SQOR: variants seen among roughly 807,000 people sequenced by gnomAD.
SQOR encodes sulfide quinone oxidoreductase.
In SQOR, 39 loss-of-function variants were observed where a neutral mutation model predicts 48.6. The observed-to-expected ratio is 0.80, with a 90% CI of 0.62 to 1.05. The LOEUF is 1.05. SQOR is among the 50% of genes least tolerant of loss of function. SQOR has a pLI of 0.00. For synonymous variants in SQOR, 220 were observed against 206.2 expected, an observed-to-expected ratio of 1.07 and a Z score of -0.57; for missense variants, 561 against 559.9, an observed-to-expected ratio of 1.00 and a Z score of -0.02.
intron 5 of SQOR, among the ~76,000 whole-genome samples, chr15:45,674,440 TAA>T (rs766883123): frequency 2.9e-5 from 4 of 138,764 alleles, no homozygotes; most frequent in East Asian, 2.1e-4. Flanking sequence ...AGCTCCGTCT[TAA>T]AAAAAAAAAA....
At chr15:45,656,792 T>G (rs1889619053) in intron 1 of SQOR, among the ~76,000 whole-genome samples, 1 of 152,120 alleles carries the variant, frequency 6.6e-6, no homozygotes, top group South Asian at 2.1e-4. Flanking sequence ...GATGTAAACA[T>G]TTTTTATTTA....
In SQOR at chr15:45,682,648, C is replaced by G. The variant is rs370801060; in HGVS notation, c.1035C>G (p.Thr345=). Residue 345 remains threonine (T), a synonymous_variant, in exon 7 of 10, where the codon ACC becomes ACG. Transcript: ENST00000260324. ...GCACCAACCTTCCTACGTCAAAGACCGCTGCTGCAGTAGGTAAGTCAACCA... is the reference window on the plus strand; with the variant it reads ...GCACCAACCTTCCTACGTCAAAGACGGCTGCTGCAGTAGGTAAGTCAACCA... ...GDCTNLPTSK[T]AAAVAAQSGI... 5.6e-6 allele frequency: 9 copies of G among 1,613,904 alleles called. No individual in the cohort carries two copies. The highest frequency in any genetic ancestry group is 7.6e-6 in the Non-Finnish European group (9 of 1,179,884).
intron 8 of SQOR, 108 bp from the exon 9 acceptor site, chr15:45,688,931 G>T: frequency 2.1e-6 from 2 of 938,050 alleles, no homozygotes. Flanking sequence ...AGAATATACA[G>T]AAAAGAAAAA....
chr15:45,666,988 CCTCT>C (rs1231282909), intron 3 of SQOR, among the ~76,000 whole-genome samples: 1 of 66,588 alleles, frequency 1.5e-5, no homozygotes, highest in African/African-American at 6.3e-5. Flanking sequence ...CCTCTCCTCC[CCTCT>C]CTTTCTTCCT....
At chr15:45,647,623 A>C (rs1209576363) in intron 1 of SQOR, among the ~76,000 whole-genome samples, 1 of 151,544 alleles carries the variant, frequency 6.6e-6, no homozygotes, top group Non-Finnish European at 1.5e-5. Context: ...TTCAAATTTA[A>C]AGTAGCTTGG....
chr15:45,659,180 C>T, intron 2 of SQOR, 23 bp downstream of exon 2: 1 of 1,486,658 alleles, frequency 6.7e-7, no homozygotes. Context: ...TTTTGAGGGC[C>T]TGGGTGTGTG....
chr15:45,670,429 A>G (rs11630132), intron 4 of SQOR, among the ~76,000 whole-genome samples: 97,460 of 152,076 alleles, frequency 0.64, 33,321 homozygotes, highest in Middle Eastern at 0.8. Flanking sequence ...TTGTGTCGAT[A>G]CTGGGTTTTT....
intron 1 of SQOR, among the ~76,000 whole-genome samples, 175 bp downstream of exon 1, chr15:45,635,283 C>G (rs549390152): frequency 6.6e-6 from 1 of 152,378 alleles, no homozygotes; most frequent in African/African-American, 2.4e-5. Context: ...ACACCTGCAG[C>G]TCTTGCTGCC....
chr15:45,659,092 A>C lies in SQOR; in HGVS notation c.169A>C (p.Thr57Pro), dbSNP rs771327815. 8 of 1,587,270 alleles carry C rather than the reference A, an allele frequency of 5.0e-6. No individual in the cohort carries two copies. The South Asian group carries it at 9.1e-5, about 18-fold the overall frequency. The change falls in exon 2 of 10, where the codon ACC becomes CCC. Residue 57 changes from threonine to proline, a missense_variant. By Grantham distance (38) the Thr-to-Pro change is conservative. Coordinates refer to ENST00000260324, the MANE Select transcript of SQOR (RefSeq NM_021199.4). ...LVLGGGSGGI[T>P]MAARMKRKVG... ...GCTGGGTGGGGGCAGTGGCGGAATCACCATGGCTGCCCGCATGAAGAGGAA... is the reference window on the plus strand; with the variant it reads ...GCTGGGTGGGGGCAGTGGCGGAATCCCCATGGCTGCCCGCATGAAGAGGAA...
chr15:45,663,164 C>T (rs754917707), intron 3 of SQOR, among the ~76,000 whole-genome samples: 1 of 152,052 alleles, frequency 6.6e-6, no homozygotes, highest in African/African-American at 2.4e-5. Context: ...ACTACAGGTG[C>T]GCATCACCAT....
intron 1 of SQOR, among the ~76,000 whole-genome samples, chr15:45,648,787 A>C (rs1889403758): frequency 6.6e-6 from 1 of 152,228 alleles, no homozygotes; most frequent in African/African-American, 2.4e-5. Context: ...GGAAGAACAG[A>C]GTAGGCAACA....
chr15:45,689,123 G>C lies in SQOR; in HGVS notation c.1201G>C (p.Glu401Gln). 6.2e-7 allele frequency: 1 copy of C among 1,614,148 alleles called. No homozygotes were observed. The highest frequency in any genetic ancestry group is 8.5e-7 in the Non-Finnish European group (1 of 1,180,032). ...AEFDYKAEPL[E>Q]TFPFDQSKER... ...GTTTGACTACAAAGCAGAGCCGCTA[G>C]AAACCTTCCCCTTTGATCAAAGCAA... The change falls in exon 9 of 10, where the codon GAA becomes CAA. Residue 401 changes from glutamate (E) to glutamine (Q), a missense_variant. Coordinates refer to ENST00000260324, the MANE Select transcript of SQOR (RefSeq NM_021199.4).
intron 1 of SQOR, among the ~76,000 whole-genome samples, chr15:45,646,291 A>G (rs943402795): frequency 3.3e-5 from 5 of 152,212 alleles, no homozygotes; most frequent in African/African-American, 1.2e-4. Flanking sequence ...CCTTCTCTGA[A>G]TTGCTAGCTC....
rs771052703 is a variant in SQOR at position 45,688,366 on chromosome 15, A to G, written c.1078A>G (p.Ile360Val). The G allele has an allele frequency of 3.1e-6, 5 of 1,608,008 alleles. No homozygotes were observed. Among genetic ancestry groups the G allele is most frequent in the Non-Finnish European group, 4.2e-6 (5 of 1,178,480 alleles). Reference protein sequence around the residue: ...AAQSGILDRTISVIMKNQTPT... With the variant: ...AAQSGILDRTVSVIMKNQTPT... ...CCAGTCAGGAATACTTGATAGGACA[A>G]TTTCTGTAATTATGAAGAATCAAAC... Residue 360 changes from isoleucine to valine, a missense_variant, in exon 8 of 10, where the codon ATT becomes GTT. Ile to Val is a conservative substitution (Grantham distance 29). Transcript: ENST00000260324.
intron 1 of SQOR, among the ~76,000 whole-genome samples, chr15:45,649,409 G>A (rs1889417662): frequency 6.6e-6 from 1 of 152,200 alleles, no homozygotes. Flanking sequence ...AATACTATTT[G>A]ATTATAAAAT....
In SQOR at chr15:45,688,318, T is replaced by G; in HGVS notation, c.1049-19T>G. The stretch of plus-strand genomic sequence containing the variant: ...ACCTTGATGCTTACATTTTTCTGAC[T>G]TTCCCATTTCTCTTATAGCTGCCCA... On this transcript the variant is annotated intron_variant, in intron 7 of 9. Coordinates refer to ENST00000260324, the MANE Select transcript of SQOR (RefSeq NM_021199.4). 1 of 1,574,720 alleles carries G rather than the reference T, an allele frequency of 6.4e-7. No individual in the cohort carries two copies. Among genetic ancestry groups the G allele is most frequent in the African/African-American group, 1.4e-5 (1 of 72,848 alleles).
intron 1 of SQOR, among the ~76,000 whole-genome samples, chr15:45,653,837 G>A (rs928334734): frequency 2.0e-5 from 3 of 152,124 alleles, no homozygotes; most frequent in Non-Finnish European, 4.4e-5. Context: ...TTACACCATG[G>A]TTTAAAAGTG....
At chr15:45,648,225 T>G (rs1595571480) in intron 1 of SQOR, among the ~76,000 whole-genome samples, 2 of 152,084 alleles carry the variant, frequency 1.3e-5, no homozygotes, top group Non-Finnish European at 2.9e-5. Context: ...GTCACCAGGC[T>G]GGAGTGCAGT....
chr15:45,681,655 A>G (rs1890129276), intron 6 of SQOR, among the ~76,000 whole-genome samples: 1 of 152,332 alleles, frequency 6.6e-6, no homozygotes. Context: ...TGGACCCACT[A>G]GCAAATTGAT....
Sources: gnomAD v4.1 joint callset for allele counts (sites outside exome capture counted in the v4.1 genomes callset) on GRCh38, gnomAD v4.1.1 for gene constraint, MANE v1.5 for transcripts, NCBI Gene and HGNC (gene_info 2026-07-23, HGNC 2026-07-21) for gene names.